The following HMCN1 variants were observed in gnomAD, a reference collection of about 807,000 sequenced individuals.
The protein encoded by HMCN1 is hemicentin 1.
Under a neutral mutation model 625.9 loss-of-function variants are expected in HMCN1, and 321 were observed. The ratio of observed to expected loss-of-function variants is 0.51; its 90% CI spans 0.47 to 0.56. The LOEUF is 0.56. HMCN1 is among the 20% of genes least tolerant of loss of function. HMCN1 has a pLI of 0.00. For missense variants in HMCN1, 6,588 were observed against 6,887.3 expected (o/e 0.96, Z 1.54); for synonymous variants, 2,425 against 2,417.6 (o/e 1.00, Z -0.09).
At chr1:185,833,466 A>T (rs1035224290) in intron 1 of HMCN1, among the ~76,000 whole-genome samples, 1 of 152,196 alleles carries the variant, frequency 6.6e-6, no homozygotes, top group Non-Finnish European at 1.5e-5. Context: ...TAAAAATTAT[A>T]AAAAAGTGTC....
At chr1:185,862,470 A>G (rs1662935325) in intron 2 of HMCN1, among the ~76,000 whole-genome samples, 1 of 152,170 alleles carries the variant, frequency 6.6e-6, no homozygotes. Context: ...CCAAATATCT[A>G]TGCAGATAGC....
chr1:185,790,627 G>T (rs1456424349), intron 1 of HMCN1, among the ~76,000 whole-genome samples: 1 of 152,222 alleles, frequency 6.6e-6, no homozygotes. Flanking sequence ...ATGGGGCCTT[G>T]TTGGCATTTT....
intron 100 of HMCN1, among the ~76,000 whole-genome samples, chr1:186,167,298 G>A (rs1651939266): frequency 6.6e-6 from 1 of 152,142 alleles, no homozygotes; most frequent in Non-Finnish European, 1.5e-5. Context: ...GCGTAAGACT[G>A]CCAGAATGTT....
chr1:186,044,034 T>G (rs1482461452), intron 40 of HMCN1, among the ~76,000 whole-genome samples: 1 of 152,068 alleles, frequency 6.6e-6, no homozygotes. Context: ...TGAGCCGAGA[T>G]CATGCCATTG....
intron 80 of HMCN1, 30 bp downstream of exon 80, chr1:186,120,175 T>C: frequency 6.2e-7 from 1 of 1,607,360 alleles, no homozygotes; most frequent in Non-Finnish European, 8.5e-7. Flanking sequence ...CTGTTTTCAA[T>C]TCAAAGATGT....
At position 186,108,322 on chromosome 1, in the gene HMCN1, T is replaced by C. The variant is rs1479978867; in HGVS notation, c.10853-139T>C. Reference sequence around the variant, plus strand: ...GTTAAAAAAAAAACACTTCCCACTGTTTGTAATTATCTAGGCTATAAATTA... The same window carrying C: ...GTTAAAAAAAAAACACTTCCCACTGCTTGTAATTATCTAGGCTATAAATTA... On this transcript the variant is annotated intron_variant, in intron 70 of 106. Coordinates refer to ENST00000271588, the MANE Select transcript of HMCN1 (RefSeq NM_031935.3). 5.2e-6 allele frequency: 7 copies of C among 1,358,902 alleles called. No individual in the cohort carries two copies. The African/African-American group carries it at 1.0e-4, about 20-fold the overall frequency. The allele number at this position is 1,358,902 out of a possible 1,614,324, so 84.2% of individuals were successfully genotyped here.
intron 4 of HMCN1, among the ~76,000 whole-genome samples, chr1:185,907,207 C>A (rs74134382): frequency 6.6e-6 from 1 of 151,844 alleles, no homozygotes; most frequent in Non-Finnish European, 1.5e-5. Context: ...TGTTTTATTT[C>A]ATATGTAAAA....
In HMCN1 at chr1:185,760,253, G is replaced by A. The variant is rs545325668; in HGVS notation, c.268+25206G>A. Among the ~76,000 whole-genome samples the A allele has an allele frequency of 5.9e-5, 9 of 152,280 alleles. No individual in the cohort carries two copies. The South Asian group carries it at 1.0e-3, about 18-fold the overall frequency. ...GAAGGTGTAAGAATTGAGTGGTTTC[G>A]TCTAGGAGCCAGTCATCAAGTTGGA... On this transcript the variant is annotated intron_variant, in intron 1 of 106. Transcript: ENST00000271588.
intron 1 of HMCN1, among the ~76,000 whole-genome samples, chr1:185,737,607 C>A (rs144659122): frequency 1.5e-3 from 230 of 152,286 alleles, no homozygotes; most frequent in African/African-American, 5.2e-3. Context: ...GACTCTTTTA[C>A]ATATGGTTGT....
At chr1:186,095,642 G>T in intron 68 of HMCN1, 121 bp downstream of exon 68, 1 of 1,064,900 alleles carries the variant, frequency 9.4e-7, no homozygotes, top group East Asian at 2.6e-5. Flanking sequence ...AATTTTTATT[G>T]CATTTTAATT....
At chr1:186,082,475 G>C (rs559242005) in intron 56 of HMCN1, among the ~76,000 whole-genome samples, 4 of 152,250 alleles carry the variant, frequency 2.6e-5, no homozygotes, top group African/African-American at 4.8e-5. Context: ...GAGTGAACAG[G>C]CTTCAGTTTT....
At chr1:186,168,891 C>T (rs1558277584) in intron 100 of HMCN1, among the ~76,000 whole-genome samples, 1 of 152,080 alleles carries the variant, frequency 6.6e-6, no homozygotes, top group Non-Finnish European at 1.5e-5. Context: ...TTAGGTATTT[C>T]TCCTAATGCT....
intron 1 of HMCN1, among the ~76,000 whole-genome samples, chr1:185,814,787 G>A (rs1190534583): frequency 6.7e-6 from 1 of 149,296 alleles, no homozygotes; most frequent in Admixed American, 6.6e-5. Flanking sequence ...CACCTCCTGG[G>A]TTCAAGCGAT....
chr1:186,101,460 A>C (rs138962407), intron 68 of HMCN1, among the ~76,000 whole-genome samples: 145 of 152,290 alleles, frequency 9.5e-4, no homozygotes, highest in African/African-American at 3.4e-3. Context: ...TCAAACATCC[A>C]AATGGAGATG....
At chr1:186,016,732 G>A (rs1654393707) in intron 32 of HMCN1, among the ~76,000 whole-genome samples, 1 of 151,938 alleles carries the variant, frequency 6.6e-6, no homozygotes, top group Non-Finnish European at 1.5e-5. Context: ...GGCATCAGTG[G>A]CACCATAGTA....
At chr1:185,987,037 T>C (rs1652044492) in intron 19 of HMCN1, among the ~76,000 whole-genome samples, 1 of 151,960 alleles carries the variant, frequency 6.6e-6, no homozygotes, top group Non-Finnish European at 1.5e-5. Context: ...TGTAGGCTTA[T>C]GTCAGCTTAT....
intron 84 of HMCN1, 146 bp from the exon 85 acceptor site, chr1:186,130,361 T>A: frequency 1.1e-6 from 1 of 895,894 alleles, no homozygotes; most frequent in Non-Finnish European, 1.7e-6. Context: ...TGATTTAGCA[T>A]GAAGAGTTGA....
chr1:185,801,896 T>C (rs1043635628), intron 1 of HMCN1, among the ~76,000 whole-genome samples: 1 of 152,164 alleles, frequency 6.6e-6, no homozygotes, highest in Non-Finnish European at 1.5e-5. Context: ...TAGAAAGTCA[T>C]TGGAAGGATT....
intron 105 of HMCN1, among the ~76,000 whole-genome samples, chr1:186,186,760 T>C (rs565727253): frequency 2.6e-4 from 39 of 152,304 alleles, no homozygotes; most frequent in African/African-American, 7.9e-4. Context: ...AGGAGAATTA[T>C]GGAAAATGAG....
Sources: gnomAD v4.1 joint callset for allele counts (sites outside exome capture counted in the v4.1 genomes callset) on GRCh38, gnomAD v4.1.1 for gene constraint, MANE v1.5 for transcripts, NCBI Gene and HGNC (gene_info 2026-07-23, HGNC 2026-07-21) for gene names.